The following B3GLCT variants were observed in gnomAD, a reference collection of about 807,000 sequenced individuals.
The protein encoded by B3GLCT is beta 3-glucosyltransferase.
Under a neutral mutation model 63.4 loss-of-function variants are expected in B3GLCT, and 65 were observed. The observed-to-expected ratio is 1.03, with a 90% CI of 0.84 to 1.26. The LOEUF is 1.26. B3GLCT is among the 50% of genes most tolerant of loss of function. B3GLCT has a pLI of 0.00. For missense variants in B3GLCT, 577 were observed against 604.8 expected, an observed-to-expected ratio of 0.95 and a Z score of 0.48; for synonymous variants, 233 against 219.2, an observed-to-expected ratio of 1.06 and a Z score of -0.55.
chr13:31,280,656 A>G (rs548514856), intron 10 of B3GLCT, among the ~76,000 whole-genome samples: 18 of 152,342 alleles, frequency 1.2e-4, no homozygotes, highest in African/African-American at 4.1e-4. Flanking sequence ...TTATACTCTC[A>G]TGGAAGAATT....
intron 10 of B3GLCT, among the ~76,000 whole-genome samples, chr13:31,279,720 C>A (rs751217586): frequency 6.6e-5 from 10 of 152,128 alleles, no homozygotes; most frequent in Non-Finnish European, 1.2e-4. Flanking sequence ...GAGCAGACAA[C>A]CAGTCTGACC....
At chr13:31,237,707 C>T (rs1014639056) in intron 4 of B3GLCT, among the ~76,000 whole-genome samples, 3 of 152,208 alleles carry the variant, frequency 2.0e-5, no homozygotes, top group South Asian at 2.1e-4. Flanking sequence ...CTGGTGACTC[C>T]GTCAGCTGTG....
intron 13 of B3GLCT, among the ~76,000 whole-genome samples, chr13:31,320,536 A>G (rs1027134902): frequency 2.6e-5 from 4 of 152,134 alleles, no homozygotes; most frequent in African/African-American, 9.7e-5. Flanking sequence ...CAATTTCATA[A>G]TTACATATGA....
chr13:31,208,410 T>C (rs1212426531), intron 1 of B3GLCT, among the ~76,000 whole-genome samples: 4 of 152,128 alleles, frequency 2.6e-5, no homozygotes, highest in African/African-American at 9.7e-5. Context: ...GCAGCCGCTA[T>C]TGCACGCACA....
At chr13:31,281,021 C>T (rs1218059651) in intron 10 of B3GLCT, among the ~76,000 whole-genome samples, 1 of 152,172 alleles carries the variant, frequency 6.6e-6, no homozygotes, top group African/African-American at 2.4e-5. Flanking sequence ...CTCTTGGGTT[C>T]TGTGTTTCCC....
intron 1 of B3GLCT, among the ~76,000 whole-genome samples, chr13:31,211,892 G>T (rs949478953): frequency 6.6e-6 from 1 of 152,142 alleles, no homozygotes; most frequent in African/African-American, 2.4e-5. Flanking sequence ...ACATTCTAAG[G>T]GCTAGGGACT....
At chr13:31,246,533 AAAAGT>A (rs5802599) in intron 4 of B3GLCT, among the ~76,000 whole-genome samples, 59,733 of 151,642 alleles carry the variant, frequency 0.39, 12,580 homozygotes, top group East Asian at 0.72. Context: ...GAGAACTTTA[AAAAGT>A]AAAGTAATTT....
chr13:31,309,693 G>A (rs946973216), intron 12 of B3GLCT, among the ~76,000 whole-genome samples: 1 of 152,208 alleles, frequency 6.6e-6, no homozygotes, highest in Admixed American at 6.5e-5. Context: ...CCACTTGGGT[G>A]CTCAACCCCC....
chr13:31,293,497 C>T (rs1284019795), intron 12 of B3GLCT, among the ~76,000 whole-genome samples: 1 of 152,154 alleles, frequency 6.6e-6, no homozygotes, highest in Non-Finnish European at 1.5e-5. Context: ...GTATTGGGTG[C>T]ATATATATTT....
chr13:31,253,614 A>C lies in B3GLCT; in HGVS notation c.459+5648A>C, dbSNP rs200764922. The stretch of plus-strand genomic sequence containing the variant: ...CCATCTCAAAAAAAAAAAAAAAAAA[A>C]AAAAAAACTAGAGAAGCAAGAGCAA... On this transcript the variant is annotated intron_variant, in intron 6 of 14. Transcript: ENST00000343307. 4.1e-3 allele frequency among the ~76,000 whole-genome samples: 256 copies of C among 62,874 alleles called. 27 individuals are homozygous for C. The highest frequency in any genetic ancestry group is 6.1e-3 in the Non-Finnish European group (205 of 33,432). 41.2% of individuals were successfully genotyped at this position (62,874 alleles called of 152,430 possible). A position where few individuals can be genotyped will look rare whatever the true frequency, so the allele number is the denominator to read the frequency against.
intron 4 of B3GLCT, among the ~76,000 whole-genome samples, chr13:31,234,780 C>T (rs1206190405): frequency 4.6e-5 from 7 of 152,130 alleles, no homozygotes; most frequent in South Asian, 2.1e-4. Context: ...TAGCATCTCT[C>T]GTCTCTGGCA....
At chr13:31,201,798 G>C (rs1457530147) in intron 1 of B3GLCT, among the ~76,000 whole-genome samples, 1 of 152,148 alleles carries the variant, frequency 6.6e-6, no homozygotes, top group Non-Finnish European at 1.5e-5. Flanking sequence ...ATAATACACT[G>C]AAGGACATTC....
chr13:31,229,287 T>A lies in B3GLCT; in HGVS notation c.263T>A (p.Leu88His). The A allele has an allele frequency of 6.3e-7, 1 of 1,596,738 alleles. No homozygotes were observed. The highest frequency in any genetic ancestry group is 2.2e-5 in the East Asian group (1 of 44,792). Residue 88 changes from leucine (L) to histidine (H), a missense_variant, in exon 4 of 15, where the codon CTT (leucine) becomes CAT (histidine). By Grantham distance (99) the Leu-to-His change is moderately conservative. Transcript: ENST00000343307. ...AGCATCTTAAAGCAGGCTGCAGATC[T>A]TACACAGGTACGTAGCGATGGCTGG... is the stretch of plus-strand genomic sequence containing the variant. ...KKSILKQAADLTQELPSVLLL... is the reference protein window; with the variant it reads ...KKSILKQAADHTQELPSVLLL...
In B3GLCT at chr13:31,264,245, G is replaced by A. The variant is rs545633354; in HGVS notation, c.596+3163G>A. 1.3e-3 allele frequency among the ~76,000 whole-genome samples: 194 copies of A among 152,138 alleles called. 2 individuals are homozygous for A. Among genetic ancestry groups the A allele is most frequent in the Non-Finnish European group, 2.3e-3 (158 of 68,012 alleles). ...CAAACATTCAGACCATAGTAATAGG[G>A]AACTATGACTAAGGGAATTAAAGCC... is the stretch of plus-strand genomic sequence containing the variant. On this transcript the variant is annotated intron_variant, in intron 7 of 14. Coordinates refer to ENST00000343307, the MANE Select transcript of B3GLCT (RefSeq NM_194318.4).
At chr13:31,234,600 G>C (rs1034936038) in intron 4 of B3GLCT, among the ~76,000 whole-genome samples, 2 of 152,152 alleles carry the variant, frequency 1.3e-5, no homozygotes, top group Non-Finnish European at 2.9e-5. Context: ...CTGTGATGCT[G>C]TCCTGGGGCC....
chr13:31,329,498 C>G lies in B3GLCT; in HGVS notation c.1330-3C>G, dbSNP rs371236148. ...GAAGCCTAACTCTCTATTTTTCCTG[C>G]AGGCTCGGCCGGTGGATTACCCTAA... is the stretch of plus-strand genomic sequence containing the variant. On this transcript the variant is annotated splice_region_variant and splice_polypyrimidine_tract_variant and intron_variant, in intron 14 of 14. Transcript: ENST00000343307. The G allele has an allele frequency of 2.5e-6, 4 of 1,614,162 alleles. No homozygotes were observed. The Admixed American group carries it at 5.0e-5, about 20-fold the overall frequency.
chr13:31,270,029 A>G (rs1301213026), intron 8 of B3GLCT, among the ~76,000 whole-genome samples: 2 of 152,150 alleles, frequency 1.3e-5, no homozygotes, highest in African/African-American at 2.4e-5. Context: ...AATTGAGCCT[A>G]TTGGTCCCAA....
At chr13:31,237,593 G>A (rs1870721682) in intron 4 of B3GLCT, among the ~76,000 whole-genome samples, 1 of 152,088 alleles carries the variant, frequency 6.6e-6, no homozygotes, top group Non-Finnish European at 1.5e-5. Flanking sequence ...GACCTCAGGT[G>A]ACCCACCCGC....
At chr13:31,309,004 T>A (rs905506785) in intron 12 of B3GLCT, among the ~76,000 whole-genome samples, 74 of 152,216 alleles carry the variant, frequency 4.9e-4, no homozygotes, top group Non-Finnish European at 8.8e-5. Flanking sequence ...TTTTTCTGAT[T>A]AGTTTGCATT....
Sources: gnomAD v4.1 joint callset for allele counts (sites outside exome capture counted in the v4.1 genomes callset) on GRCh38, gnomAD v4.1.1 for gene constraint, MANE v1.5 for transcripts, NCBI Gene and HGNC (gene_info 2026-07-23, HGNC 2026-07-21) for gene names.